Variants in FSTL5 observed in about 807,000 individuals in gnomAD.
FSTL5 encodes follistatin-related protein 5.
In FSTL5, 62 loss-of-function variants were observed where a neutral mutation model predicts 89.1. The observed-to-expected ratio is 0.70, with a 90% confidence interval of 0.57 to 0.86. The LOEUF is 0.86. Ranked by LOEUF, FSTL5 falls within the 40% of genes least tolerant of loss-of-function variation. The pLI is 0.00. For missense variants in FSTL5, 1,057 were observed against 1,001.6 expected (o/e 1.06, Z -0.75); for synonymous variants, 383 against 346.2 (o/e 1.11, Z -1.18).
intron 13 of FSTL5, among the ~76,000 whole-genome samples, chr4:161,473,563 G>A (rs556667851): frequency 6.6e-6 from 1 of 151,482 alleles, no homozygotes; most frequent in Non-Finnish European, 1.5e-5. Context: ...CAAGTATGTG[G>A]GACTACAGGT....
At chr4:161,404,579 T>G (rs949299028) in intron 15 of FSTL5, among the ~76,000 whole-genome samples, 34 of 152,108 alleles carry the variant, frequency 2.2e-4, no homozygotes, top group Non-Finnish European at 4.4e-5. Context: ...TATTTATTCG[T>G]TGGCTTTCAG....
intron 1 of FSTL5, among the ~76,000 whole-genome samples, chr4:162,121,265 C>A (rs897101817): frequency 3.3e-5 from 5 of 151,576 alleles, no homozygotes; most frequent in African/African-American, 1.2e-4. Context: ...AAGGAAATTT[C>A]TTTTAAGTTG....
At chr4:162,057,567 G>A (rs1346349965) in intron 2 of FSTL5, among the ~76,000 whole-genome samples, 3 of 152,166 alleles carry the variant, frequency 2.0e-5, no homozygotes, top group Non-Finnish European at 4.4e-5. Context: ...AAATGCACCT[G>A]TGAATTTATT....
At chr4:161,988,624 T>C (rs1736028261) in intron 3 of FSTL5, among the ~76,000 whole-genome samples, 3 of 152,080 alleles carry the variant, frequency 2.0e-5, no homozygotes, top group Admixed American at 6.6e-5. Flanking sequence ...AAATCAGAAA[T>C]ATGATAAAAA....
chr4:161,943,782 C>A (rs1734661641), intron 3 of FSTL5, among the ~76,000 whole-genome samples: 1 of 151,904 alleles, frequency 6.6e-6, no homozygotes, highest in African/African-American at 2.4e-5. Flanking sequence ...GTCTCGATCT[C>A]CTGACCTCGT....
chr4:161,386,019 C>G lies in FSTL5; in HGVS notation c.2272G>C (p.Gly758Arg). Residue 758 changes from glycine (G) to arginine (R), a missense_variant, in exon 16 of 16, where the codon GGT becomes CGT. Gly to Arg is a moderately radical substitution (Grantham distance 125). Transcript: ENST00000306100. The stretch of plus-strand genomic sequence containing the variant: ...ACATCAGTTTGTGTGCTTGAACTAC[C>G]GTAGATGTTATATTGGTGGGCTTCA... ...FTEAHQYNIY[G>R]SSSTQTDVLF... The G allele has an allele frequency of 1.2e-6, 2 of 1,613,878 alleles. No individual in the cohort carries two copies. The highest frequency in any genetic ancestry group is 1.7e-6 in the Non-Finnish European group (2 of 1,179,946).
At chr4:161,893,464 G>A (rs1451654607) in intron 4 of FSTL5, among the ~76,000 whole-genome samples, 2 of 151,890 alleles carry the variant, frequency 1.3e-5, no homozygotes, top group African/African-American at 2.4e-5. Context: ...TTTTTCTAAT[G>A]TTCTCATCAA....
At chr4:161,514,310 G>A (rs1730745348) in intron 10 of FSTL5, among the ~76,000 whole-genome samples, 7 of 151,868 alleles carry the variant, frequency 4.6e-5, no homozygotes, top group Admixed American at 4.6e-4. Flanking sequence ...ATGAAATCTT[G>A]TCTTTTGCAG....
intron 7 of FSTL5, among the ~76,000 whole-genome samples, chr4:161,638,734 A>G (rs1417822044): frequency 1.5e-5 from 2 of 134,216 alleles, no homozygotes; most frequent in African/African-American, 2.9e-5. Context: ...ATGAACATTG[A>G]TGCAAAAATC....
intron 10 of FSTL5, 80 bp from the exon 11 acceptor site, chr4:161,510,504 T>G (rs1730617639): frequency 1.3e-6 from 1 of 776,492 alleles, no homozygotes; most frequent in African/African-American, 1.8e-5. Context: ...TAAATATTAT[T>G]AAAGATGTCA....
At chr4:161,746,881 C>T (rs1325117139) in intron 6 of FSTL5, among the ~76,000 whole-genome samples, 1 of 152,090 alleles carries the variant, frequency 6.6e-6, no homozygotes, top group Non-Finnish European at 1.5e-5. Flanking sequence ...CAAATGCTTG[C>T]AATTTCCCAC....
intron 10 of FSTL5, among the ~76,000 whole-genome samples, chr4:161,529,146 A>G (rs1280158595): frequency 1.4e-5 from 2 of 143,476 alleles, no homozygotes; most frequent in African/African-American, 2.5e-5. Flanking sequence ...ACGGTTGCTG[A>G]AAACCTGTCA....
At chr4:161,846,617 T>C (rs963575581) in intron 4 of FSTL5, among the ~76,000 whole-genome samples, 21 of 152,304 alleles carry the variant, frequency 1.4e-4, no homozygotes, top group South Asian at 1.0e-3. Context: ...CTAATGATTT[T>C]ATTCTCATTG....
chr4:161,904,683 A>G (rs1168731680), intron 4 of FSTL5, among the ~76,000 whole-genome samples: 1 of 151,868 alleles, frequency 6.6e-6, no homozygotes, highest in African/African-American at 2.4e-5. Flanking sequence ...ATCTTTACTT[A>G]GTAAAGAAAA....
intron 10 of FSTL5, among the ~76,000 whole-genome samples, chr4:161,534,448 C>CTA (rs1731525011): frequency 1.3e-5 from 2 of 151,902 alleles, no homozygotes; most frequent in Admixed American, 6.6e-5. Context: ...TAGTTGAGAA[C>CTA]CAAATTGAAA....
At chr4:161,923,879 G>A (rs917905785) in intron 3 of FSTL5, among the ~76,000 whole-genome samples, 2 of 151,822 alleles carry the variant, frequency 1.3e-5, no homozygotes, top group Admixed American at 6.6e-5. Flanking sequence ...GCTAGAAGCT[G>A]TGTGTTGCAT....
chr4:161,834,394 G>T (rs978048695), intron 4 of FSTL5, among the ~76,000 whole-genome samples: 9 of 152,112 alleles, frequency 5.9e-5, no homozygotes, highest in African/African-American at 2.2e-4. Context: ...ACTGGCACAA[G>T]ACAGGGATGC....
At chr4:161,437,545 G>A (rs1732604320) in intron 15 of FSTL5, among the ~76,000 whole-genome samples, 1 of 59,694 alleles carries the variant, frequency 1.7e-5, no homozygotes. Flanking sequence ...CCAGCCTGGT[G>A]ACAGAGTGAG....
At chr4:161,435,382 C>A (rs1316899567) in intron 15 of FSTL5, among the ~76,000 whole-genome samples, 2 of 151,838 alleles carry the variant, frequency 1.3e-5, no homozygotes, top group Non-Finnish European at 2.9e-5. Context: ...AACAATTAAA[C>A]TAATGGAGAT....
Sources: gnomAD v4.1 joint callset for allele counts (sites outside exome capture counted in the v4.1 genomes callset) on GRCh38, gnomAD v4.1.1 for gene constraint, MANE v1.5 for transcripts, NCBI Gene and HGNC (gene_info 2026-07-23, HGNC 2026-07-21) for gene names.